KLHL1: variants seen among roughly 807,000 people sequenced by gnomAD.
The protein encoded by KLHL1 is kelch like family member 1, also known as kelch-like protein 1.
In KLHL1, 47 loss-of-function variants were observed where a neutral mutation model predicts 77.7. That is an observed-to-expected ratio of 0.60 (90% CI 0.48 to 0.77). The LOEUF (loss-of-function observed/expected upper bound fraction) is 0.77. Ranked by LOEUF, KLHL1 falls within the 30% of genes least tolerant of loss-of-function variation. The pLI is 0.00. For synonymous variants in KLHL1, 360 were observed against 325.2 expected (o/e 1.11, Z -1.15); for missense variants, 925 against 910.8 (o/e 1.02, Z -0.20).
chr13:70,092,902 C>T (rs1015895234), intron 1 of KLHL1, among the ~76,000 whole-genome samples: 5 of 151,762 alleles, frequency 3.3e-5, no homozygotes, highest in African/African-American at 1.2e-4. Context: ...AACAGCGCAG[C>T]CATGAAATAA....
intron 9 of KLHL1, among the ~76,000 whole-genome samples, chr13:69,711,354 C>G (rs1593763309): frequency 6.6e-6 from 1 of 151,952 alleles, no homozygotes; most frequent in East Asian, 1.9e-4. Flanking sequence ...AATGAAGGTC[C>G]ATGCTGTGAG....
intron 7 of KLHL1, among the ~76,000 whole-genome samples, chr13:69,748,741 T>C (rs1874335871): frequency 6.6e-6 from 1 of 151,724 alleles, no homozygotes; most frequent in Non-Finnish European, 1.5e-5. Flanking sequence ...AATGATAAAC[T>C]TTTAATAAAT....
intron 1 of KLHL1, 38 bp downstream of exon 1, chr13:70,107,165 T>C (rs755922324): frequency 6.5e-7 from 1 of 1,542,406 alleles, no homozygotes; most frequent in South Asian, 1.3e-5. Flanking sequence ...GAGTGGAAAT[T>C]GAGAGATGCT....
At chr13:70,040,625 C>T (rs1439693353) in intron 1 of KLHL1, among the ~76,000 whole-genome samples, 1 of 152,068 alleles carries the variant, frequency 6.6e-6, no homozygotes, top group Admixed American at 6.6e-5. Context: ...TCTCTGGTTG[C>T]TTTCACAAAT....
intron 4 of KLHL1, among the ~76,000 whole-genome samples, chr13:69,923,491 A>T (rs1882710819): frequency 6.6e-6 from 1 of 152,196 alleles, no homozygotes; most frequent in Non-Finnish European, 1.5e-5. Flanking sequence ...GCTCAATCAA[A>T]AAATTACATT....
At chr13:69,756,933 C>CT (rs943866658) in intron 7 of KLHL1, among the ~76,000 whole-genome samples, 14 of 152,068 alleles carry the variant, frequency 9.2e-5, no homozygotes, top group African/African-American at 3.1e-4. Context: ...ATATCATCAA[C>CT]TTTTTTTGTA....
intron 7 of KLHL1, among the ~76,000 whole-genome samples, chr13:69,765,860 T>C (rs1441496601): frequency 1.3e-5 from 2 of 152,096 alleles, no homozygotes; most frequent in African/African-American, 4.8e-5. Context: ...AGCTGAATGG[T>C]GGTTTTGCTC....
At chr13:69,930,818 C>A (rs754437273) in intron 4 of KLHL1, among the ~76,000 whole-genome samples, 3 of 151,564 alleles carry the variant, frequency 2.0e-5, no homozygotes, top group Non-Finnish European at 3.0e-5. Flanking sequence ...AAAACTACAG[C>A]CTTTTTCTGA....
intron 2 of KLHL1, among the ~76,000 whole-genome samples, chr13:69,964,115 C>T (rs1302802071): frequency 1.3e-5 from 2 of 152,066 alleles, no homozygotes; most frequent in Non-Finnish European, 2.9e-5. Context: ...ACAATCATAG[C>T]TCACTGGCAC....
intron 7 of KLHL1, among the ~76,000 whole-genome samples, chr13:69,782,426 G>A (rs1264843335): frequency 6.6e-6 from 1 of 152,228 alleles, no homozygotes; most frequent in African/African-American, 2.4e-5. Context: ...AGAAAGGGGT[G>A]ACAGACGGCA....
intron 7 of KLHL1, among the ~76,000 whole-genome samples, chr13:69,754,958 C>T (rs1399844407): frequency 3.3e-5 from 5 of 152,110 alleles, no homozygotes; most frequent in African/African-American, 1.2e-4. Context: ...AGATTTTCTT[C>T]TTCCTGCATC....
At chr13:69,812,219 G>A (rs1319311525) in intron 6 of KLHL1, among the ~76,000 whole-genome samples, 1 of 152,100 alleles carries the variant, frequency 6.6e-6, no homozygotes, top group African/African-American at 2.4e-5. Context: ...GGTTCTGAGT[G>A]AGTTTCTTAA....
At chr13:69,732,874 C>T (rs993205574) in intron 8 of KLHL1, among the ~76,000 whole-genome samples, 3 of 152,128 alleles carry the variant, frequency 2.0e-5, no homozygotes, top group Admixed American at 2.0e-4. Context: ...CTAGCTCCAG[C>T]TAAGCAGTGG....
At chr13:69,802,859 G>C (rs7987896) in intron 6 of KLHL1, 1 of 151,828 alleles carries the variant, frequency 6.6e-6, no homozygotes, top group African/African-American at 2.4e-5. Flanking sequence ...GTGTCTGAGG[G>C]GTTTTGTCTG....
intron 1 of KLHL1, among the ~76,000 whole-genome samples, chr13:70,017,280 C>T (rs1172823066): frequency 6.6e-6 from 1 of 152,208 alleles, no homozygotes; most frequent in Admixed American, 6.5e-5. Context: ...AATATAGGGG[C>T]TCCCTGAGCC....
intron 9 of KLHL1, among the ~76,000 whole-genome samples, chr13:69,718,058 A>G (rs1173301157): frequency 1.3e-5 from 2 of 152,182 alleles, no homozygotes; most frequent in African/African-American, 4.8e-5. Flanking sequence ...ATCAGTAAAA[A>G]TAATTACTCA....
At chr13:69,921,612 A>G (rs1882637838) in intron 4 of KLHL1, among the ~76,000 whole-genome samples, 1 of 152,078 alleles carries the variant, frequency 6.6e-6, no homozygotes, top group Non-Finnish European at 1.5e-5. Flanking sequence ...GTTTCCACCT[A>G]TTCTATATAT....
intron 10 of KLHL1, among the ~76,000 whole-genome samples, chr13:69,703,986 A>G (rs1352917079): frequency 1.3e-5 from 2 of 151,748 alleles, no homozygotes; most frequent in East Asian, 3.9e-4. Flanking sequence ...CCCTATCACT[A>G]AATGGAAATG....
At chr13:70,018,616 T>C (rs1450541298) in intron 1 of KLHL1, among the ~76,000 whole-genome samples, 6 of 152,292 alleles carry the variant, frequency 3.9e-5, no homozygotes, top group African/African-American at 9.6e-5. Flanking sequence ...AAGAAACAGA[T>C]TGGAAAAATA....
Sources: allele counts gnomAD v4.1 joint callset (sites outside exome capture counted in the v4.1 genomes callset), GRCh38; gene constraint gnomAD v4.1.1; transcripts MANE v1.5; gene names NCBI Gene and HGNC (gene_info 2026-07-23, HGNC 2026-07-21).